The following RNF135 variants were observed in gnomAD, a reference collection of about 807,000 sequenced individuals.
RNF135 encodes E3 ubiquitin-protein ligase RNF135.
RNF135 carries 46 observed loss-of-function variants against 41.9 expected under a neutral mutation model. The observed-to-expected ratio is 1.10, with a 90% CI of 0.87 to 1.40. The LOEUF is 1.40. Ranked by LOEUF, RNF135 falls within the 40% of genes most tolerant of loss-of-function variation. The probability of loss-of-function intolerance (pLI) is 0.00; values close to 1 mark genes in which losing one functional copy is unlikely to be tolerated. For synonymous variants in RNF135, 238 were observed against 223.8 expected (o/e 1.06, Z -0.57); for missense variants, 539 against 549.8 (o/e 0.98, Z 0.20).
At chr17:30,960,077 A>C in the RNF135 span, among the ~76,000 whole-genome samples, 1 of 148,678 alleles carries the variant, frequency 6.7e-6, no homozygotes, top group Admixed American at 6.8e-5. Context: ...AATGATATAC[A>C]TATATATATA....
At chr17:30,998,084 T>C (rs1908491132) in intron 4 of RNF135, among the ~76,000 whole-genome samples, 1 of 152,186 alleles carries the variant, frequency 6.6e-6, no homozygotes, top group African/African-American at 2.4e-5. Context: ...CTAATTTTGG[T>C]ATGTTTAATA....
the RNF135 span, among the ~76,000 whole-genome samples, chr17:30,963,612 T>G: frequency 1.2e-4 from 19 of 152,224 alleles, no homozygotes; most frequent in Admixed American, 1.0e-3. Flanking sequence ...TTTCTACTGT[T>G]GAATTTTGAG....
chr17:30,980,090 C>A (rs1291650874), intron 1 of RNF135: 1 of 143,600 alleles, frequency 7.0e-6, no homozygotes, highest in African/African-American at 2.9e-5. Context: ...GGGCTGACTC[C>A]CCCACCTCCC....
chr17:30,974,754 A>T (rs1567737287), intron 1 of RNF135, among the ~76,000 whole-genome samples: 2 of 151,792 alleles, frequency 1.3e-5, no homozygotes, highest in Non-Finnish European at 2.9e-5. Context: ...ATCTTGGCTC[A>T]CTGCAACCTC....
At chr17:30,993,258 G>A (rs544582452) in intron 3 of RNF135, among the ~76,000 whole-genome samples, 2 of 152,088 alleles carry the variant, frequency 1.3e-5, no homozygotes, top group Admixed American at 6.6e-5. Flanking sequence ...ATGGGGTTTC[G>A]CCATGTTGGC....
Position 30,988,466 on chromosome 17 carries a change from C to T in RNF135, c.679+360C>T, listed in dbSNP as rs551408629. On this transcript the variant is annotated intron_variant, in intron 3 of 4. Transcript: ENST00000328381. ...TTTTTGTGATGGAGTCTCACTCTGT[C>T]GCCCAGGCTGGAGTGCAGTGGCACC... 3.2e-4 allele frequency among the ~76,000 whole-genome samples: 35 copies of T among 109,536 alleles called. 1 individual carries two copies. The Admixed American group carries it at 4.6e-3, about 14-fold the overall frequency. The allele number at this position is 109,536 out of a possible 152,430, so 71.9% of individuals were successfully genotyped here. A position where few individuals can be genotyped will look rare whatever the true frequency, so the allele number is the denominator to read the frequency against.
intron 1 of RNF135, among the ~76,000 whole-genome samples, chr17:30,979,440 G>A (rs1339383194): frequency 9.1e-5 from 10 of 110,102 alleles, no homozygotes; most frequent in African/African-American, 2.5e-4. Context: ...AGGGGCGGCC[G>A]GGCAGAGGCG....
chr17:30,998,625 C>T (rs375035915), intron 4 of RNF135, 37 bp from the exon 5 acceptor site: 33 of 1,602,898 alleles, frequency 2.1e-5, no homozygotes, highest in East Asian at 6.7e-5. Context: ...AAAAGATGAC[C>T]GGCCATGTTC....
intron 1 of RNF135, among the ~76,000 whole-genome samples, chr17:30,976,411 G>C (rs1906465010): frequency 6.6e-6 from 1 of 152,230 alleles, no homozygotes; most frequent in African/African-American, 2.4e-5. Context: ...CTGAGGAAAA[G>C]ATCCATGTGT....
At chr17:30,985,923 C>T (rs936669814) in intron 2 of RNF135, among the ~76,000 whole-genome samples, 1 of 152,196 alleles carries the variant, frequency 6.6e-6, no homozygotes, top group Non-Finnish European at 1.5e-5. Context: ...CTTCCCACTA[C>T]AGGGCACCCT....
chr17:30,998,749 G>T lies in RNF135; in HGVS notation c.857G>T (p.Arg286Leu), dbSNP rs121918162. The change falls in exon 5 of 5, where the codon CGC (arginine) becomes CTC (leucine). Residue 286 changes from arginine to leucine, a missense_variant. Physicochemically the swap from Arg to Leu is moderately radical, Grantham distance 102. Coordinates refer to ENST00000328381, the MANE Select transcript of RNF135 (RefSeq NM_032322.4). ...KDSRTVTVSH[R>L]PQPYRWSCER... The stretch of plus-strand genomic sequence containing the variant: ...TCCCGTACAGTGACTGTGTCTCACC[G>T]CCCACAACCCTATCGCTGGAGCTGT... 3 of 1,613,098 alleles carry T rather than the reference G, an allele frequency of 1.9e-6. No homozygotes were observed. Among genetic ancestry groups the T allele is most frequent in the South Asian group, 2.2e-5 (2 of 90,912 alleles).
chr17:30,980,130 G>C (rs1906959401), intron 1 of RNF135: 1 of 140,764 alleles, frequency 7.1e-6, no homozygotes, highest in African/African-American at 2.9e-5. Context: ...CCGGGCAGAG[G>C]GGCTCCTCAC....
intron 3 of RNF135, among the ~76,000 whole-genome samples, chr17:30,996,453 A>G (rs964711274): frequency 6.6e-6 from 1 of 152,008 alleles, no homozygotes. Flanking sequence ...TTCTTTATCC[A>G]TTTTTCTGTC....
the RNF135 span, among the ~76,000 whole-genome samples, chr17:30,962,621 C>T: frequency 1.2e-4 from 18 of 152,082 alleles, no homozygotes; most frequent in Admixed American, 7.9e-4. Flanking sequence ...CCTGCTACCA[C>T]GCCCGGCTAC....
At chr17:30,988,196 G>T (rs1907727986) in intron 3 of RNF135, 90 bp downstream of exon 3, 1 of 1,237,296 alleles carries the variant, frequency 8.1e-7, no homozygotes, top group Non-Finnish European at 1.2e-6. Context: ...CTGGGGATAG[G>T]ATCCCAGAGT....
intron 3 of RNF135, among the ~76,000 whole-genome samples, chr17:30,990,351 C>T (rs1052809237): frequency 2.0e-5 from 3 of 152,016 alleles, no homozygotes; most frequent in Admixed American, 6.6e-5. Flanking sequence ...GGTGAAACCC[C>T]GTCTCTACTA....
At chr17:30,985,884 C>A (rs1907542740) in intron 2 of RNF135, among the ~76,000 whole-genome samples, 1 of 152,192 alleles carries the variant, frequency 6.6e-6, no homozygotes, top group South Asian at 2.1e-4. Flanking sequence ...GCTACACTGG[C>A]CGCACAGTCG....
intron 1 of RNF135, chr17:30,975,367 C>A: frequency 1.3e-6 from 1 of 747,520 alleles, no homozygotes. Context: ...TGAGCCCAGG[C>A]ACACATCTGG....
rs200895927 is a variant in RNF135, at chr17:30,988,091, G to A, written c.664G>A (p.Glu222Lys). Residue 222 changes from glutamate to lysine, a missense_variant, in exon 3 of 5, where the codon GAA (glutamate) becomes AAA (lysine). By Grantham distance (56) the Glu-to-Lys change is moderately conservative. Coordinates refer to ENST00000328381, the MANE Select transcript of RNF135 (RefSeq NM_032322.4). ...QESVTWKEAP[E>K]AQMQGELLEA... ...AAGCGTCACCTGGAAAGAGGCTCCT[G>A]AAGCACAAATGCAGGGTGAGCTGAT... The A allele has an allele frequency of 3.2e-5, 51 of 1,614,046 alleles. No individual in the cohort carries two copies. In the Middle Eastern group the frequency reaches 6.6e-4, roughly 21 times the overall value.
Sources: allele counts gnomAD v4.1 joint callset (sites outside exome capture counted in the v4.1 genomes callset), GRCh38; gene constraint gnomAD v4.1.1; transcripts MANE v1.5; gene names NCBI Gene and HGNC (gene_info 2026-07-23, HGNC 2026-07-21).